MAGI2: variants seen among roughly 807,000 people sequenced by gnomAD.
The protein encoded by MAGI2 is membrane-associated guanylate kinase, WW and PDZ domain-containing protein 2.
In MAGI2, 35 loss-of-function variants were observed where a neutral mutation model predicts 133.3. That is an observed-to-expected ratio of 0.26 (90% CI 0.20 to 0.35). MAGI2 has a LOEUF of 0.35. MAGI2 is among the 10% of genes least tolerant of loss of function. MAGI2 has a pLI of 1.00. For synonymous variants in MAGI2, 729 were observed against 710.6 expected (o/e 1.03, Z -0.41); for missense variants, 1,636 against 1,863.4 (o/e 0.88, Z 2.25).
intron 6 of MAGI2, among the ~76,000 whole-genome samples, chr7:78,424,743 T>A (rs939627157): frequency 1.3e-5 from 2 of 152,196 alleles, no homozygotes; most frequent in Non-Finnish European, 2.9e-5. Context: ...AAGATTTGAC[T>A]ACCCTGCTGG....
At chr7:78,975,652 G>A (rs1404276072) in intron 2 of MAGI2, among the ~76,000 whole-genome samples, 1 of 151,422 alleles carries the variant, frequency 6.6e-6, no homozygotes, top group Non-Finnish European at 1.5e-5. Context: ...GAGGAAGAAA[G>A]TAAATAATGA....
rs368196092 is a variant in MAGI2, at chr7:79,435,580, T to C, written c.301+17440A>G. 1.7e-3 allele frequency among the ~76,000 whole-genome samples: 255 copies of C among 151,402 alleles called. 3 individuals carry two copies. Among genetic ancestry groups the C allele is most frequent in the Non-Finnish European group, 2.7e-3 (185 of 67,930 alleles). On this transcript the variant is annotated intron_variant, in intron 1 of 21. Transcript: ENST00000354212. ...GTAGGACATACAGTTTAAAATACTC[T>C]ACTTTTCATTTCTGGGACTTTGAAC...
chr7:78,920,311 G>A (rs1011839031), intron 2 of MAGI2, among the ~76,000 whole-genome samples: 2 of 152,118 alleles, frequency 1.3e-5, no homozygotes, highest in African/African-American at 4.8e-5. Flanking sequence ...GAGAGTGATT[G>A]TTAGGATTAA....
chr7:78,811,577 A>C (rs1789054974), intron 2 of MAGI2, among the ~76,000 whole-genome samples: 1 of 152,218 alleles, frequency 6.6e-6, no homozygotes, highest in Admixed American at 6.5e-5. Context: ...AAGATTAAAA[A>C]CAAATTTTCG....
intron 1 of MAGI2, among the ~76,000 whole-genome samples, chr7:79,163,316 C>G (rs1170419845): frequency 6.6e-6 from 1 of 152,084 alleles, no homozygotes; most frequent in East Asian, 1.9e-4. Flanking sequence ...GCTGGGATTA[C>G]AGGCACCTGC....
intron 1 of MAGI2, among the ~76,000 whole-genome samples, chr7:79,105,409 C>G (rs980851734): frequency 5.3e-5 from 8 of 152,116 alleles, no homozygotes; most frequent in East Asian, 1.9e-4. Context: ...GCAGGAAAAG[C>G]ATCCAGTTTC....
At chr7:78,093,739 T>C (rs1192583026) in intron 20 of MAGI2, among the ~76,000 whole-genome samples, 1 of 152,236 alleles carries the variant, frequency 6.6e-6, no homozygotes, top group Non-Finnish European at 1.5e-5. Flanking sequence ...GTGTGAACAT[T>C]GATACTTATG....
At chr7:78,249,038 TAAAAA>T (rs200642694) in intron 10 of MAGI2, among the ~76,000 whole-genome samples, 1 of 149,796 alleles carries the variant, frequency 6.7e-6, no homozygotes, top group Non-Finnish European at 1.5e-5. Context: ...AAAAAAATAA[TAAAAA>T]AAAAGTGCGA....
chr7:78,490,036 C>G (rs1339020698), intron 5 of MAGI2, 196 bp from the exon 6 acceptor site: 6 of 497,838 alleles, frequency 1.2e-5, no homozygotes, highest in Non-Finnish European at 1.4e-5. Context: ...CCTCAGCTCC[C>G]TGTCCTCAAA....
chr7:79,426,116 T>C (rs1184496721), intron 1 of MAGI2, among the ~76,000 whole-genome samples: 2 of 152,192 alleles, frequency 1.3e-5, no homozygotes, highest in Non-Finnish European at 2.9e-5. Context: ...TAGATTTTAG[T>C]GTGGAGCTGT....
intron 2 of MAGI2, among the ~76,000 whole-genome samples, chr7:78,939,052 G>A (rs1800767837): frequency 6.6e-6 from 1 of 152,090 alleles, no homozygotes; most frequent in East Asian, 1.9e-4. Context: ...GGAATGCAGT[G>A]GCATGATCTC....
intron 1 of MAGI2, among the ~76,000 whole-genome samples, chr7:79,140,989 G>A (rs980255366): frequency 1.3e-5 from 2 of 152,036 alleles, no homozygotes; most frequent in African/African-American, 4.8e-5. Context: ...AATACTTCTA[G>A]GTTTTCAAAT....
chr7:78,636,586 C>T (rs1223573456), intron 2 of MAGI2, among the ~76,000 whole-genome samples: 2 of 151,920 alleles, frequency 1.3e-5, no homozygotes, highest in Non-Finnish European at 2.9e-5. Context: ...ATCGAGAGGT[C>T]AGGAGATAGA....
In MAGI2 at chr7:78,132,872, G is replaced by C. The variant is rs751702289; in HGVS notation, c.3203+17C>G. 9 of 1,613,852 alleles carry C rather than the reference G, an allele frequency of 5.6e-6. No individual in the cohort carries two copies. The East Asian group carries it at 8.9e-5, about 16-fold the overall frequency. ...CCTATCACCTCTCAGAATCACAAAA[G>C]TCAGAGGAAATTTTACCTATTTTCG... On this transcript the variant is annotated intron_variant, in intron 18 of 21. Coordinates refer to ENST00000354212, the MANE Select transcript of MAGI2 (RefSeq NM_012301.4).
At chr7:78,396,076 C>T (rs1485081329) in intron 6 of MAGI2, among the ~76,000 whole-genome samples, 1 of 152,196 alleles carries the variant, frequency 6.6e-6, no homozygotes, top group African/African-American at 2.4e-5. Context: ...ACTCAAGAAA[C>T]ATGAGTAGAA....
At chr7:78,592,897 C>T (rs901652621) in intron 3 of MAGI2, among the ~76,000 whole-genome samples, 12 of 133,302 alleles carry the variant, frequency 9.0e-5, no homozygotes, top group Admixed American at 3.3e-4. Flanking sequence ...GGCAGTGGTG[C>T]AATCTGAGCT....
intron 10 of MAGI2, among the ~76,000 whole-genome samples, chr7:78,210,743 T>C (rs982564650): frequency 2.0e-5 from 3 of 152,124 alleles, no homozygotes; most frequent in African/African-American, 7.2e-5. Context: ...GTGAAGTGTT[T>C]GAAAAGTAAC....
intron 20 of MAGI2, among the ~76,000 whole-genome samples, chr7:78,114,353 A>G (rs553959745): frequency 6.3e-4 from 96 of 152,368 alleles, no homozygotes; most frequent in Non-Finnish European, 1.1e-3. Context: ...CAATGGGTAT[A>G]TAACACTGTT....
intron 1 of MAGI2, among the ~76,000 whole-genome samples, chr7:79,245,320 G>T (rs1365513838): frequency 6.6e-6 from 1 of 152,194 alleles, no homozygotes; most frequent in African/African-American, 2.4e-5. Flanking sequence ...TGCACCAGGT[G>T]GACTCATAGG....
Sources: gnomAD v4.1 joint callset for allele counts (sites outside exome capture counted in the v4.1 genomes callset) on GRCh38, gnomAD v4.1.1 for gene constraint, MANE v1.5 for transcripts, NCBI Gene and HGNC (gene_info 2026-07-23, HGNC 2026-07-21) for gene names.